The following PTPN11 variants were observed in gnomAD, a reference collection of about 807,000 sequenced individuals.
The protein encoded by PTPN11 is tyrosine-protein phosphatase non-receptor type 11.
Under a neutral mutation model 78.8 loss-of-function variants are expected in PTPN11, and 6 were observed. The ratio of observed to expected loss-of-function variants is 0.08; its 90% CI spans 0.04 to 0.15. PTPN11 has a LOEUF of 0.15. Among genes scored for constraint, PTPN11 ranks in the 10% least tolerant of loss-of-function variants. The probability of loss-of-function intolerance (pLI) is 1.00; values close to 1 mark genes in which losing one functional copy is unlikely to be tolerated. For synonymous variants in PTPN11, 221 were observed against 263.5 expected (o/e 0.84, Z 1.56); for missense variants, 386 against 744.8 (o/e 0.52, Z 5.61).
At chr12:112,446,448 A>G in intron 2 of PTPN11, 50 bp downstream of exon 2, 1 of 1,613,078 alleles carries the variant, frequency 6.2e-7, no homozygotes, top group Non-Finnish European at 8.5e-7. Flanking sequence ...CTAGGTAGGA[A>G]GTGGTAAAAC....
intron 1 of PTPN11, among the ~76,000 whole-genome samples, chr12:112,437,476 T>G (rs1372259575): frequency 6.6e-6 from 1 of 152,182 alleles, no homozygotes; most frequent in Non-Finnish European, 1.5e-5. Flanking sequence ...TTTATTCTGA[T>G]ATGTGATATG....
At chr12:112,488,319 A>G in intron 11 of PTPN11, 124 bp from the exon 12 acceptor site, 1 of 932,934 alleles carries the variant, frequency 1.1e-6, no homozygotes, top group Admixed American at 1.7e-5. Flanking sequence ...AAACATAAAT[A>G]GACAATTTTA....
At chr12:112,505,219 T>G (rs556856839) in intron 15 of PTPN11, among the ~76,000 whole-genome samples, 1 of 152,300 alleles carries the variant, frequency 6.6e-6, no homozygotes, top group Admixed American at 6.5e-5. Flanking sequence ...TGACCAACTG[T>G]GTGGCATGGG....
intron 1 of PTPN11, among the ~76,000 whole-genome samples, chr12:112,423,942 G>A (rs1340975160): frequency 6.6e-6 from 1 of 151,858 alleles, no homozygotes; most frequent in East Asian, 1.9e-4. Flanking sequence ...TGTAGAGTTA[G>A]GGTCTTGCTC....
intron 1 of PTPN11, among the ~76,000 whole-genome samples, chr12:112,439,790 A>AC (rs2037853132): frequency 6.6e-6 from 1 of 150,662 alleles, no homozygotes; most frequent in African/African-American, 2.5e-5. Context: ...TTTTTAAAAA[A>AC]AAAAACAAAA....
In PTPN11 at chr12:112,483,187, CT is replaced by C. The variant is rs576813489; in HGVS notation, c.1224+1000del. 3.6e-3 allele frequency among the ~76,000 whole-genome samples: 467 copies of C among 130,754 alleles called. 1 individual carries two copies. The highest frequency in any genetic ancestry group is 4.0e-3 in the Non-Finnish European group (242 of 60,194). 85.8% of individuals were successfully genotyped at this position (130,754 alleles called of 152,430 possible). Reference sequence around the variant, plus strand: ...AGGGTTCATTTGGAGGGGGAAGGGACTTTTTTTTTTTTTTTTTTGAAACAGA... The same window carrying C: ...AGGGTTCATTTGGAGGGGGAAGGGACTTTTTTTTTTTTTTTTTGAAACAGA... On this transcript the variant is annotated intron_variant, in intron 10 of 15. Transcript: ENST00000351677.
chr12:112,477,593 A>G (rs2038524651), intron 7 of PTPN11, 58 bp from the exon 8 acceptor site: 4 of 1,359,390 alleles, frequency 2.9e-6, no homozygotes, highest in Non-Finnish European at 4.2e-6. Context: ...ACTGATTTGA[A>G]CTGTTTTTTC....
At chr12:112,456,448 C>T (rs1480100609) in intron 6 of PTPN11, among the ~76,000 whole-genome samples, 1 of 145,892 alleles carries the variant, frequency 6.9e-6, no homozygotes, top group Non-Finnish European at 1.5e-5. Flanking sequence ...AGAGAAACAC[C>T]TTGTGGTGGC....
chr12:112,423,935 A>T (rs2037564325), intron 1 of PTPN11, among the ~76,000 whole-genome samples: 1 of 151,276 alleles, frequency 6.6e-6, no homozygotes, highest in Admixed American at 6.6e-5. Context: ...ATTTTTTTGT[A>T]GAGTTAGGGT....
At chr12:112,456,660 G>T (rs917470284) in intron 6 of PTPN11, among the ~76,000 whole-genome samples, 7 of 151,836 alleles carry the variant, frequency 4.6e-5, no homozygotes, top group Admixed American at 4.6e-4. Flanking sequence ...AGGTTTTGCA[G>T]TGTTGCCCAG....
At chr12:112,459,069 A>G (rs1213101444) in intron 6 of PTPN11, among the ~76,000 whole-genome samples, 1 of 152,128 alleles carries the variant, frequency 6.6e-6, no homozygotes, top group African/African-American at 2.4e-5. Context: ...ATAGTGAGAC[A>G]GAATTTTGAA....
chr12:112,424,326 T>C (rs1401395262), intron 1 of PTPN11, among the ~76,000 whole-genome samples: 1 of 152,134 alleles, frequency 6.6e-6, no homozygotes, highest in African/African-American at 2.4e-5. Context: ...GCAGACCACA[T>C]AGGGATTCTT....
chr12:112,434,500 C>T (rs1021599998), intron 1 of PTPN11, among the ~76,000 whole-genome samples: 4 of 151,296 alleles, frequency 2.6e-5, no homozygotes, highest in African/African-American at 9.7e-5. Flanking sequence ...CTCTGCTACT[C>T]GGGAGGCTGA....
intron 6 of PTPN11, among the ~76,000 whole-genome samples, chr12:112,459,545 C>T (rs374774917): frequency 6.6e-5 from 10 of 151,892 alleles, no homozygotes; most frequent in African/African-American, 2.2e-4. Flanking sequence ...TGGCTCACTA[C>T]AACCTCCGCC....
chr12:112,479,414 G>A (rs1230858451), intron 9 of PTPN11, among the ~76,000 whole-genome samples: 2 of 152,152 alleles, frequency 1.3e-5, no homozygotes, highest in African/African-American at 2.4e-5. Flanking sequence ...TTGGAGTTGA[G>A]CCTTCCTACT....
Position 112,488,299 on chromosome 12 carries a change from A to G in PTPN11, c.1380-144A>G, listed in dbSNP as rs919226728. ...CTCCAAAGCCCTATGCTTTTTGCCA[A>G]CATATTTTCAAACATAAATAGACAA... On this transcript the variant is annotated intron_variant, in intron 11 of 15. Coordinates refer to ENST00000351677, the MANE Select transcript of PTPN11 (RefSeq NM_002834.5). The G allele has an allele frequency of 3.6e-6, 3 of 829,298 alleles. No homozygotes were observed. In the African/African-American group the frequency reaches 5.0e-5, roughly 14 times the overall value. The allele number at this position is 829,298 out of a possible 1,614,324, so 51.4% of individuals were successfully genotyped here.
intron 13 of PTPN11, among the ~76,000 whole-genome samples, chr12:112,497,745 T>A (rs1056098816): frequency 6.6e-6 from 1 of 152,080 alleles, no homozygotes; most frequent in African/African-American, 2.4e-5. Flanking sequence ...GAGACCAGAT[T>A]TTTCAGTTTG....
At chr12:112,492,481 T>TA (rs2038758059) in intron 13 of PTPN11, among the ~76,000 whole-genome samples, 1 of 152,078 alleles carries the variant, frequency 6.6e-6, no homozygotes, top group African/African-American at 2.4e-5. Flanking sequence ...ATCTTGTGGG[T>TA]AGATACTGGA....
Position 112,502,713 on chromosome 12 carries a change from C to T in PTPN11, c.1712+457C>T, listed in dbSNP as rs562309448. Among the ~76,000 whole-genome samples the T allele has an allele frequency of 9.9e-4, 150 of 152,256 alleles. 1 individual carries two copies. Among genetic ancestry groups the T allele is most frequent in the African/African-American group, 3.2e-3 (132 of 41,544 alleles). Reference sequence around the variant, plus strand: ...AGTGAGCCGAGATCATGCCACTGCACTCCAGCCTGGGCGATAGAGTGAGCC... The same window carrying T: ...AGTGAGCCGAGATCATGCCACTGCATTCCAGCCTGGGCGATAGAGTGAGCC... On this transcript the variant is annotated intron_variant, in intron 14 of 15. Transcript: ENST00000351677.
Sources: gnomAD v4.1 joint callset for allele counts (sites outside exome capture counted in the v4.1 genomes callset) on GRCh38, gnomAD v4.1.1 for gene constraint, MANE v1.5 for transcripts, NCBI Gene and HGNC (gene_info 2026-07-23, HGNC 2026-07-21) for gene names.